Variants in NAV3 observed in about 807,000 individuals in gnomAD.
NAV3 encodes the protein neuron navigator 3.
A neutral mutation model predicts 244.7 loss-of-function variants in NAV3; 87 were observed. That is an observed-to-expected ratio of 0.36 (90% CI 0.30 to 0.42). The LOEUF (loss-of-function observed/expected upper bound fraction) is 0.42, where lower values mean the gene tolerates loss of function less well. NAV3 is among the 20% of genes least tolerant of loss of function. NAV3 has a pLI of 1.00. For synonymous variants in NAV3, 1,126 were observed against 1,042.2 expected, an observed-to-expected ratio of 1.08 and a Z score of -1.55; for missense variants, 2,663 against 2,893.3, an observed-to-expected ratio of 0.92 and a Z score of 1.83.
At chr12:77,634,257 T>C (rs1409448073) in intron 2 of NAV3, among the ~76,000 whole-genome samples, 1 of 152,144 alleles carries the variant, frequency 6.6e-6, no homozygotes, top group Admixed American at 6.5e-5. Flanking sequence ...CTTCTGATTG[T>C]ACTTTCAGAC....
chr12:77,738,976 C>A (rs1205758807), intron 2 of NAV3, among the ~76,000 whole-genome samples: 1 of 128,056 alleles, frequency 7.8e-6, no homozygotes, highest in African/African-American at 3.0e-5. Context: ...CGCGCTACTG[C>A]ACTCCAGCAT....
chr12:77,750,277 T>C (rs898201006), intron 2 of NAV3, among the ~76,000 whole-genome samples: 2 of 152,094 alleles, frequency 1.3e-5, no homozygotes, highest in Non-Finnish European at 2.9e-5. Flanking sequence ...CTTTTGAACC[T>C]GGGAGGCAGA....
intron 2 of NAV3, among the ~76,000 whole-genome samples, chr12:77,768,192 T>A (rs1869882045): frequency 6.6e-6 from 1 of 152,156 alleles, no homozygotes; most frequent in Non-Finnish European, 1.5e-5. Context: ...GATTTGTTCA[T>A]GGGTGGCCAT....
intron 3 of NAV3, among the ~76,000 whole-genome samples, chr12:77,956,768 G>A (rs1891403497): frequency 6.7e-6 from 1 of 148,972 alleles, no homozygotes; most frequent in Non-Finnish European, 1.5e-5. Flanking sequence ...TTGAGACAGA[G>A]TCTCACTCTG....
intron 5 of NAV3, among the ~76,000 whole-genome samples, chr12:77,977,043 A>G (rs1868580997): frequency 6.6e-6 from 1 of 152,112 alleles, no homozygotes; most frequent in Non-Finnish European, 1.5e-5. Flanking sequence ...TAAATTGCAC[A>G]GTTTCACAGA....
intron 11 of NAV3, among the ~76,000 whole-genome samples, chr12:78,051,647 A>G (rs1021969118): frequency 5.3e-5 from 8 of 152,168 alleles, no homozygotes; most frequent in Non-Finnish European, 8.8e-5. Flanking sequence ...TTTTGATGGT[A>G]TCAGATTTCA....
chr12:77,715,640 A>G (rs950727701), intron 2 of NAV3, among the ~76,000 whole-genome samples: 4 of 151,998 alleles, frequency 2.6e-5, no homozygotes, highest in Non-Finnish European at 5.9e-5. Flanking sequence ...ATTAAACTAA[A>G]CCATTTATAA....
intron 1 of NAV3, among the ~76,000 whole-genome samples, chr12:77,844,247 G>C (rs1876232177): frequency 6.6e-6 from 1 of 152,188 alleles, no homozygotes; most frequent in African/African-American, 2.4e-5. Context: ...ATCGTCCACA[G>C]GGGAGGGATG....
At chr12:77,585,931 G>A (rs1592476483) in intron 2 of NAV3, among the ~76,000 whole-genome samples, 1 of 152,212 alleles carries the variant, frequency 6.6e-6, no homozygotes, top group African/African-American at 2.4e-5. Context: ...GGGAGGCCGA[G>A]GCAGAAGGAT....
intron 2 of NAV3, among the ~76,000 whole-genome samples, chr12:77,648,160 G>C (rs1380570549): frequency 2.6e-5 from 4 of 151,988 alleles, no homozygotes; most frequent in Admixed American, 2.6e-4. Context: ...AAAAGTAAAG[G>C]CCTCGTTTCA....
At chr12:77,694,186 GC>G (rs1875176315) in intron 2 of NAV3, among the ~76,000 whole-genome samples, 1 of 151,946 alleles carries the variant, frequency 6.6e-6, no homozygotes, top group Non-Finnish European at 1.5e-5. Context: ...AGTCTCTTTG[GC>G]CGGGCATGGT....
chr12:77,686,097 A>G (rs1378566278), intron 2 of NAV3, among the ~76,000 whole-genome samples: 1 of 152,186 alleles, frequency 6.6e-6, no homozygotes, highest in Non-Finnish European at 1.5e-5. Flanking sequence ...TGATATATTC[A>G]GAGCCTAGAT....
At chr12:78,031,567 G>A (rs1276344471) in intron 9 of NAV3, among the ~76,000 whole-genome samples, 5 of 151,870 alleles carry the variant, frequency 3.3e-5, no homozygotes, top group Admixed American at 3.3e-4. Context: ...AAAAAATGAT[G>A]AGTTCATGTC....
intron 2 of NAV3, among the ~76,000 whole-genome samples, chr12:77,622,140 C>T (rs1455041163): frequency 6.6e-6 from 1 of 151,870 alleles, no homozygotes; most frequent in East Asian, 1.9e-4. Context: ...GCCTCTGATA[C>T]CAAGCTGTCT....
chr12:78,050,789 A>C lies in NAV3; in HGVS notation c.2158A>C (p.Thr720Pro). 1 of 1,605,324 alleles carries C rather than the reference A, an allele frequency of 6.2e-7. No individual in the cohort carries two copies. Among genetic ancestry groups the C allele is most frequent in the South Asian group, 1.1e-5 (1 of 90,606 alleles). ...CACCCTGGAGACAACATTTGACAGC[A>C]CTGTGACAACAGAAGTTAATGGAAG... The part of the protein sequence containing the change: ...HSTLETTFDS[T>P]VTTEVNGRTI... Residue 720 changes from threonine to proline, a missense_variant, in exon 11 of 40, where the codon ACT (threonine) becomes CCT (proline). Coordinates refer to ENST00000397909, the MANE Select transcript of NAV3 (RefSeq NM_001024383.2).
At chr12:77,931,906 G>A (rs1888840666) in intron 1 of NAV3, among the ~76,000 whole-genome samples, 1 of 39,566 alleles carries the variant, frequency 2.5e-5, no homozygotes, top group Non-Finnish European at 4.4e-5. Context: ...ATTTGTGCGT[G>A]TGTGTTTGTG....
At chr12:77,845,423 A>C (rs2136202941) in intron 1 of NAV3, among the ~76,000 whole-genome samples, 1 of 152,264 alleles carries the variant, frequency 6.6e-6, no homozygotes, top group African/African-American at 2.4e-5. Context: ...CAACACTTAA[A>C]AGAACCCAAG....
intron 12 of NAV3, among the ~76,000 whole-genome samples, chr12:78,064,131 C>T (rs1884671800): frequency 6.6e-6 from 1 of 151,940 alleles, no homozygotes; most frequent in Non-Finnish European, 1.5e-5. Flanking sequence ...GGGAAGGGGG[C>T]TGGGGACACC....
intron 12 of NAV3, among the ~76,000 whole-genome samples, chr12:78,074,383 GA>G (rs1287343112): frequency 2.6e-5 from 4 of 152,176 alleles, no homozygotes; most frequent in Non-Finnish European, 5.9e-5. Context: ...GACGACACCT[GA>G]AGTGAGTCTT....
Sources: allele counts gnomAD v4.1 joint callset (sites outside exome capture counted in the v4.1 genomes callset), GRCh38; gene constraint gnomAD v4.1.1; transcripts MANE v1.5; gene names NCBI Gene and HGNC (gene_info 2026-07-23, HGNC 2026-07-21).